RBM45: variants seen among roughly 807,000 people sequenced by gnomAD.
The protein encoded by RBM45 is RNA-binding protein 45.
Under a neutral mutation model 58.5 loss-of-function variants are expected in RBM45, and 39 were observed. The ratio of observed to expected loss-of-function variants is 0.67; its 90% CI spans 0.52 to 0.87. RBM45 has a LOEUF of 0.87. RBM45 is among the 40% of genes least tolerant of loss of function. The pLI is 0.00. For missense variants in RBM45, 481 were observed against 581.6 expected (o/e 0.83, Z 1.78); for synonymous variants, 193 against 203.0 (o/e 0.95, Z 0.42).
chr2:178,126,744 T>C (rs1271351740), intron 9 of RBM45, among the ~76,000 whole-genome samples: 3 of 152,196 alleles, frequency 2.0e-5, no homozygotes, highest in Admixed American at 2.0e-4. Flanking sequence ...CAGAAAATAT[T>C]CTCGTATGCA....
At chr2:178,112,921 C>CAGGTGTG in intron 1 of RBM45, 75 bp downstream of exon 1, 1 of 1,465,082 alleles carries the variant, frequency 6.8e-7, no homozygotes, top group South Asian at 1.3e-5. Context: ...TGCTGCTCTG[C>CAGGTGTG]CGGGGTGAGG....
In RBM45 at chr2:178,120,286, G is replaced by T; in HGVS notation, c.551-1G>T. The stretch of plus-strand genomic sequence containing the variant: ...ACTTGAAATTCATGGGGTTTTTTCA[G>T]GTTTTAGAGCAATCTTGGCTGAACC... On this transcript the variant is annotated splice_acceptor_variant, in intron 3 of 9. Coordinates refer to ENST00000286070, the MANE Select transcript of RBM45 (RefSeq NM_152945.4). LOFTEE classifies it high-confidence loss of function. 1 of 1,611,652 alleles carries T rather than the reference G, an allele frequency of 6.2e-7. No individual in the cohort carries two copies. The highest frequency in any genetic ancestry group is 8.5e-7 in the Non-Finnish European group (1 of 1,179,180).
downstream of RBM45, among the ~76,000 whole-genome samples, chr2:178,133,234 G>A (rs2088019042): frequency 6.6e-6 from 1 of 152,072 alleles, no homozygotes; most frequent in South Asian, 2.1e-4. Flanking sequence ...CAAATAATAG[G>A]CCATCTTTTT....
At chr2:178,123,454 G>T in intron 5 of RBM45, 68 bp from the exon 6 acceptor site, 1 of 1,463,382 alleles carries the variant, frequency 6.8e-7, no homozygotes, top group Non-Finnish European at 9.1e-7. Flanking sequence ...TTTTGTGATA[G>T]ATTGTAACAT....
intron 9 of RBM45, among the ~76,000 whole-genome samples, chr2:178,127,843 A>G (rs2087952845): frequency 1.3e-5 from 2 of 152,152 alleles, no homozygotes; most frequent in Admixed American, 1.3e-4. Context: ...CTTAAAAAGG[A>G]CAATAATATA....
intron 2 of RBM45, among the ~76,000 whole-genome samples, chr2:178,117,719 T>C (rs1302782892): frequency 6.6e-6 from 1 of 152,186 alleles, no homozygotes. Context: ...GTAAACTGCC[T>C]AATTAATGAG....
exon 4 of RBM45, chr2:178,138,469 G>T (rs1209771074): frequency 6.6e-6 from 1 of 152,092 alleles, no homozygotes; most frequent in Non-Finnish European, 1.5e-5. Context: ...AAAGTCACAA[G>T]ACTGAAGATC....
At chr2:178,124,579 C>T (rs774047236) in intron 8 of RBM45, among the ~76,000 whole-genome samples, 3 of 152,040 alleles carry the variant, frequency 2.0e-5, no homozygotes, top group East Asian at 1.9e-4. Flanking sequence ...TTTGGGAGGC[C>T]GAGGTCAGGG....
Position 178,112,485 on chromosome 2 carries a change from C to A in RBM45, c.-62C>A. ...CGGCAAAGGCTTGGGTGTGAGACAG[C>A]AGCGGTGGCAGACACCGCAGAAGCA... On this transcript the variant is annotated 5_prime_UTR_variant, in exon 1 of 10. Coordinates refer to ENST00000286070, the MANE Select transcript of RBM45 (RefSeq NM_152945.4). The A allele has an allele frequency of 6.8e-7, 1 of 1,462,838 alleles. No individual in the cohort carries two copies. Among genetic ancestry groups the A allele is most frequent in the Admixed American group, 1.8e-5 (1 of 55,494 alleles). 90.6% of individuals were successfully genotyped at this position (1,462,838 alleles called of 1,614,324 possible).
At chr2:178,122,266 G>A (rs867964099) in intron 5 of RBM45, among the ~76,000 whole-genome samples, 2 of 152,158 alleles carry the variant, frequency 1.3e-5, no homozygotes, top group Non-Finnish European at 2.9e-5. Context: ...AGGGGTGGTA[G>A]AGAGAAATCA....
intron 3 of RBM45, among the ~76,000 whole-genome samples, chr2:178,134,918 A>T (rs575681456): frequency 6.6e-6 from 1 of 152,308 alleles, no homozygotes; most frequent in Non-Finnish European, 1.5e-5. Context: ...GAGTAATCCC[A>T]GCTATGAAGG....
At chr2:178,130,726 ATAC>A (rs1461485807), downstream of RBM45, among the ~76,000 whole-genome samples, 1 of 152,244 alleles carries the variant, frequency 6.6e-6, no homozygotes, top group Non-Finnish European at 1.5e-5. Flanking sequence ...TCTCCTCATT[ATAC>A]TTCTCACATT....
rs2087923626 is a variant in RBM45, at chr2:178,125,963, A to T, written c.1233-21A>T. ...TTGTATTTATCAATTTTGGTTGATTATTTTTTTCACTTTGTTTCAGTCGTT... is the reference window on the plus strand; with the variant it reads ...TTGTATTTATCAATTTTGGTTGATTTTTTTTTTCACTTTGTTTCAGTCGTT... On this transcript the variant is annotated intron_variant, in intron 8 of 9. Transcript: ENST00000286070. 3 of 1,605,430 alleles carry T rather than the reference A, an allele frequency of 1.9e-6. No homozygotes were observed. In the South Asian group the frequency reaches 3.3e-5, roughly 18 times the overall value.
chr2:178,119,369 G>A (rs753442817), intron 3 of RBM45, among the ~76,000 whole-genome samples: 2 of 152,228 alleles, frequency 1.3e-5, no homozygotes, highest in Non-Finnish European at 2.9e-5. Context: ...AGCAGTGCTA[G>A]CAGAGGCACA....
At chr2:178,134,954 C>A (rs1559083985) in intron 3 of RBM45, among the ~76,000 whole-genome samples, 1 of 152,142 alleles carries the variant, frequency 6.6e-6, no homozygotes, top group South Asian at 2.1e-4. Flanking sequence ...TTGCAGTGAG[C>A]CAAGATTTCG....
chr2:178,125,179 T>C (rs1170761429), intron 8 of RBM45, among the ~76,000 whole-genome samples: 2 of 152,232 alleles, frequency 1.3e-5, no homozygotes, highest in African/African-American at 2.4e-5. Flanking sequence ...TTAACTGATA[T>C]ATTTAGTTTT....
In RBM45 at chr2:178,119,395, A is replaced by T. The variant is rs532720777; in HGVS notation, c.551-892A>T. On this transcript the variant is annotated intron_variant, in intron 3 of 9. Transcript: ENST00000286070. Reference sequence around the variant, plus strand: ...CAGAGGCACAATGCCAGGAATAAACATGTGTTTTGCTTGGTGCTGTGAAGG... The same window carrying T: ...CAGAGGCACAATGCCAGGAATAAACTTGTGTTTTGCTTGGTGCTGTGAAGG... 5.9e-5 allele frequency among the ~76,000 whole-genome samples: 9 copies of T among 152,316 alleles called. No homozygotes were observed. The South Asian group carries it at 1.9e-3, about 32-fold the overall frequency.
intron 9 of RBM45, among the ~76,000 whole-genome samples, chr2:178,126,442 A>G (rs990342177): frequency 1.3e-5 from 2 of 152,210 alleles, no homozygotes; most frequent in African/African-American, 2.4e-5. Flanking sequence ...TAAGAATTCA[A>G]CTTTTTATTA....
chr2:178,133,547 C>T (rs144268995), downstream of RBM45, among the ~76,000 whole-genome samples: 31 of 152,210 alleles, frequency 2.0e-4, no homozygotes, highest in East Asian at 5.8e-4. Flanking sequence ...TCTTGTAAAA[C>T]GAATGCTTTT....
Sources: allele counts gnomAD v4.1 joint callset (sites outside exome capture counted in the v4.1 genomes callset), GRCh38; gene constraint gnomAD v4.1.1; transcripts MANE v1.5; gene names NCBI Gene and HGNC (gene_info 2026-07-23, HGNC 2026-07-21).